Variants in KHDRBS2 observed in about 807,000 individuals in gnomAD.
KHDRBS2 encodes KH domain-containing, RNA-binding, signal transduction-associated protein 2.
Under a neutral mutation model 44.3 loss-of-function variants are expected in KHDRBS2, and 26 were observed. The observed-to-expected ratio is 0.59, with a 90% CI of 0.43 to 0.81. KHDRBS2 has a LOEUF of 0.81. KHDRBS2 is among the 40% of genes least tolerant of loss of function. KHDRBS2 has a pLI of 0.00. For synonymous variants in KHDRBS2, 194 were observed against 151.1 expected (o/e 1.28, Z -2.08); for missense variants, 476 against 433.1 (o/e 1.10, Z -0.88).
In KHDRBS2 at chr6:62,221,943, A is replaced by G. The variant is rs1313672994; in HGVS notation, c.92-44631T>C. 2.0e-5 allele frequency among the ~76,000 whole-genome samples: 3 copies of G among 152,180 alleles called. No homozygotes were observed. In the South Asian group the frequency reaches 6.2e-4, roughly 31 times the overall value. ...ACTAAAAAACATACCAATAATCCACAGCATGCAATCTGTTACTATAATACA... is the reference window on the plus strand; with the variant it reads ...ACTAAAAAACATACCAATAATCCACGGCATGCAATCTGTTACTATAATACA... On this transcript the variant is annotated intron_variant, in intron 1 of 8. Coordinates refer to ENST00000281156, the MANE Select transcript of KHDRBS2 (RefSeq NM_152688.4).
At chr6:61,556,752 G>A in the KHDRBS2 span, among the ~76,000 whole-genome samples, 1 of 151,862 alleles carries the variant, frequency 6.6e-6, no homozygotes, top group African/African-American at 2.4e-5. Context: ...AGTGCTTTAA[G>A]CCTTCCTCAC....
intron 2 of KHDRBS2, among the ~76,000 whole-genome samples, chr6:62,149,665 TA>T (rs5876782): frequency 0.44 from 67,356 of 152,050 alleles, 16,745 homozygotes; most frequent in Non-Finnish European, 0.55. Context: ...TTAACTGATA[TA>T]AAAAAAGCAC....
chr6:62,060,633 CTATA>C (rs57458009), intron 2 of KHDRBS2, among the ~76,000 whole-genome samples: 6 of 144,870 alleles, frequency 4.1e-5, no homozygotes, highest in African/African-American at 1.0e-4. Flanking sequence ...CTCTCTCTCT[CTATA>C]TATATATATA....
At chr6:61,681,204 A>C (rs1424070887) in intron 8 of KHDRBS2, 144 bp from the exon 9 acceptor site, 2 of 617,082 alleles carry the variant, frequency 3.2e-6, no homozygotes, top group Non-Finnish European at 5.8e-6. Context: ...ACATCGTGAG[A>C]CCATCAAAAA....
intron 2 of KHDRBS2, among the ~76,000 whole-genome samples, chr6:62,092,780 G>GA (rs1159556644): frequency 6.6e-6 from 1 of 152,040 alleles, no homozygotes; most frequent in African/African-American, 2.4e-5. Context: ...TTTCATTACA[G>GA]AAAAAGAAAT....
At chr6:62,185,882 T>G (rs1823315626) in intron 1 of KHDRBS2, among the ~76,000 whole-genome samples, 1 of 151,994 alleles carries the variant, frequency 6.6e-6, no homozygotes, top group African/African-American at 2.4e-5. Flanking sequence ...TCCTACCACC[T>G]AATTCGTATG....
intron 1 of KHDRBS2, among the ~76,000 whole-genome samples, chr6:62,195,841 C>A (rs1205884689): frequency 6.6e-6 from 1 of 152,108 alleles, no homozygotes; most frequent in African/African-American, 2.4e-5. Flanking sequence ...AGTGAGAACA[C>A]TGAGCCCTGT....
intron 2 of KHDRBS2, among the ~76,000 whole-genome samples, chr6:62,080,252 T>C (rs1797135415): frequency 6.6e-6 from 1 of 152,142 alleles, no homozygotes; most frequent in African/African-American, 2.4e-5. Context: ...CATTAAATGG[T>C]ATATATACAT....
chr6:62,238,424 T>C lies in KHDRBS2; in HGVS notation c.91+47434A>G, dbSNP rs1237858028. On this transcript the variant is annotated intron_variant, in intron 1 of 8. Coordinates refer to ENST00000281156, the MANE Select transcript of KHDRBS2 (RefSeq NM_152688.4). ...CCAACACTTTATTCCTTTTTTCCTT[T>C]CTTAGGGGATGACCTAAACATGCTA... 2.6e-5 allele frequency among the ~76,000 whole-genome samples: 4 copies of C among 152,114 alleles called. No homozygotes were observed. The East Asian group carries it at 7.7e-4, about 29-fold the overall frequency.
At chr6:61,982,828 T>C (rs1021530168) in intron 3 of KHDRBS2, among the ~76,000 whole-genome samples, 2 of 152,184 alleles carry the variant, frequency 1.3e-5, no homozygotes, top group Non-Finnish European at 2.9e-5. Context: ...GATTATAATT[T>C]GTTATGGCCT....
At chr6:62,105,945 T>C (rs1403335216) in intron 2 of KHDRBS2, among the ~76,000 whole-genome samples, 3 of 152,202 alleles carry the variant, frequency 2.0e-5, no homozygotes, top group Non-Finnish European at 4.4e-5. Context: ...ACACACTGTT[T>C]TGAATGTGTC....
At chr6:62,078,379 T>C (rs1562805354) in intron 2 of KHDRBS2, among the ~76,000 whole-genome samples, 1 of 152,056 alleles carries the variant, frequency 6.6e-6, no homozygotes, top group South Asian at 2.1e-4. Flanking sequence ...TACATGGCTT[T>C]ATCAGAGAGG....
At chr6:62,108,743 T>C (rs1254967897) in intron 2 of KHDRBS2, among the ~76,000 whole-genome samples, 2 of 152,180 alleles carry the variant, frequency 1.3e-5, no homozygotes, top group Non-Finnish European at 2.9e-5. Flanking sequence ...GTGGCATATA[T>C]ACACCATGGA....
At chr6:61,786,427 T>C (rs764883327) in intron 6 of KHDRBS2, among the ~76,000 whole-genome samples, 4 of 152,066 alleles carry the variant, frequency 2.6e-5, no homozygotes, top group Non-Finnish European at 5.9e-5. Context: ...CACATGTTCA[T>C]TGGAGAAATT....
intron 2 of KHDRBS2, among the ~76,000 whole-genome samples, chr6:62,098,258 T>G (rs1434708740): frequency 2.4e-4 from 37 of 151,794 alleles, no homozygotes; most frequent in Non-Finnish European, 4.4e-4. Flanking sequence ...TTTTTTTTTT[T>G]TTTGTTACAA....
intron 2 of KHDRBS2, among the ~76,000 whole-genome samples, chr6:62,063,288 C>A (rs1053250813): frequency 1.3e-5 from 2 of 150,148 alleles, no homozygotes; most frequent in Non-Finnish European, 3.0e-5. Context: ...ATGAGGCCAG[C>A]ATCATTCTGA....
the KHDRBS2 span, among the ~76,000 whole-genome samples, chr6:61,599,526 G>A: frequency 1.3e-5 from 2 of 152,146 alleles, no homozygotes; most frequent in Non-Finnish European, 2.9e-5. Flanking sequence ...AAACACTCTT[G>A]TTGCCACAGA....
intron 4 of KHDRBS2, among the ~76,000 whole-genome samples, chr6:61,965,779 T>C (rs1173021789): frequency 6.6e-6 from 1 of 151,844 alleles, no homozygotes; most frequent in African/African-American, 2.4e-5. Context: ...CAGAGGAGAG[T>C]AGAGAGCAAT....
chr6:61,568,472 C>G, the KHDRBS2 span, among the ~76,000 whole-genome samples: 15 of 152,256 alleles, frequency 9.9e-5, no homozygotes, highest in South Asian at 3.1e-3. Context: ...TGGAGACTCA[C>G]AGTATGAACT....
Sources: gnomAD v4.1 joint callset for allele counts (sites outside exome capture counted in the v4.1 genomes callset) on GRCh38, gnomAD v4.1.1 for gene constraint, MANE v1.5 for transcripts, NCBI Gene and HGNC (gene_info 2026-07-23, HGNC 2026-07-21) for gene names.